The following DENND1B variants were observed in gnomAD, a reference collection of about 807,000 sequenced individuals.
DENND1B encodes the protein DENN domain containing 1B.
Under a neutral mutation model 90.1 loss-of-function variants are expected in DENND1B, and 59 were observed. That is an observed-to-expected ratio of 0.65 (90% confidence interval 0.53 to 0.81). DENND1B has a LOEUF of 0.81. Ranked by LOEUF, DENND1B falls within the 40% of genes least tolerant of loss-of-function variation. The probability of loss-of-function intolerance (pLI) is 0.00; values close to 1 mark genes in which losing one functional copy is unlikely to be tolerated. For synonymous variants in DENND1B, 337 were observed against 324.6 expected, an observed-to-expected ratio of 1.04 and a Z score of -0.41; for missense variants, 862 against 912.6, an observed-to-expected ratio of 0.94 and a Z score of 0.71.
intron 2 of DENND1B, among the ~76,000 whole-genome samples, chr1:197,738,946 AG>A (rs1468179285): frequency 1.3e-5 from 2 of 152,234 alleles, no homozygotes; most frequent in African/African-American, 4.8e-5. Flanking sequence ...TGAGGTTGGA[AG>A]GCCAAAGCAT....
chr1:197,780,560 G>A (rs1039377277), upstream of DENND1B, among the ~76,000 whole-genome samples: 2 of 151,912 alleles, frequency 1.3e-5, no homozygotes, highest in Non-Finnish European at 1.5e-5. Context: ...TCTTGACCTC[G>A]TGATCCACCC....
chr1:197,569,069 C>T (rs933143064), intron 15 of DENND1B, among the ~76,000 whole-genome samples: 1 of 151,788 alleles, frequency 6.6e-6, no homozygotes, highest in Non-Finnish European at 1.5e-5. Flanking sequence ...ATAAAGAACT[C>T]AAACAAATTA....
At chr1:197,551,765 A>G (rs936180021) in intron 16 of DENND1B, among the ~76,000 whole-genome samples, 4 of 152,146 alleles carry the variant, frequency 2.6e-5, no homozygotes, top group Non-Finnish European at 4.4e-5. Context: ...CAACTTGTCC[A>G]TGGGCTGACA....
intron 14 of DENND1B, among the ~76,000 whole-genome samples, chr1:197,586,702 C>T (rs1325015609): frequency 6.6e-6 from 1 of 152,114 alleles, no homozygotes; most frequent in Non-Finnish European, 1.5e-5. Flanking sequence ...GTTCTTGGTT[C>T]AATTGATTTT....
At chr1:197,729,530 T>C (rs184194056) in intron 2 of DENND1B, among the ~76,000 whole-genome samples, 15 of 152,222 alleles carry the variant, frequency 9.9e-5, no homozygotes, top group Admixed American at 3.3e-4. Context: ...TCACTACATA[T>C]TTTCACTAAA....
chr1:197,510,951 C>T lies in DENND1B; in HGVS notation c.1837G>A (p.Glu613Lys), dbSNP rs749278941. ...KPTNKSNAPSENNLAFLCGGS... is the reference protein window; with the variant it reads ...KPTNKSNAPSKNNLAFLCGGS... ...CCACAGAGGAAAGCCAGGTTATTCTCACTAGGAGCATTAGATTTATTCTGA... is the reference window on the plus strand; with the variant it reads ...CCACAGAGGAAAGCCAGGTTATTCTTACTAGGAGCATTAGATTTATTCTGA... The change falls in exon 23 of 23, where the codon GAG becomes AAG. Residue 613 changes from glutamate (E) to lysine (K), a missense_variant. Physicochemically the swap from Glu to Lys is moderately conservative, Grantham distance 56. Transcript: ENST00000620048. 10 of 1,526,168 alleles carry T rather than the reference C, an allele frequency of 6.6e-6. No individual in the cohort carries two copies. The East Asian group carries it at 2.3e-4, about 35-fold the overall frequency. 94.5% of individuals were successfully genotyped at this position (1,526,168 alleles called of 1,614,324 possible).
At chr1:197,669,522 T>C (rs1655280081) in intron 5 of DENND1B, among the ~76,000 whole-genome samples, 1 of 152,124 alleles carries the variant, frequency 6.6e-6, no homozygotes, top group Non-Finnish European at 1.5e-5. Flanking sequence ...GAATCCTCCA[T>C]TCATTATTAA....
Position 197,755,935 on chromosome 1 carries a change from GGAGCAACAA to G in DENND1B, c.82+16924_82+16932del, listed in dbSNP as rs1384850705. Among the ~76,000 whole-genome samples, 3 of 152,262 alleles carry G rather than the reference GGAGCAACAA, an allele frequency of 2.0e-5. No individual in the cohort carries two copies. In the East Asian group the frequency reaches 5.8e-4, roughly 29 times the overall value. ...CCTCCCACAACATGTGGGAATTATG[GGAGCAACAA>G]GATGAGATTTGGGTGGGAACACAGA... On this transcript the variant is annotated intron_variant, in intron 2 of 22. Transcript: ENST00000620048.
chr1:197,541,333 A>AACTG (rs1040804272), intron 18 of DENND1B, among the ~76,000 whole-genome samples: 9 of 152,218 alleles, frequency 5.9e-5, no homozygotes, highest in Non-Finnish European at 1.3e-4. Flanking sequence ...AACTGTAACA[A>AACTG]ACTGGAGGAA....
Position 197,628,079 on chromosome 1 carries a change from T to A in DENND1B, c.673-10320A>T, listed in dbSNP as rs552685281. On this transcript the variant is annotated intron_variant, in intron 10 of 22. Transcript: ENST00000620048. ...TGCTCATGGGTGGGAAGAATCAATA[T>A]CATGAAAATGGCCATACTGCCCAAG... Among the ~76,000 whole-genome samples, 13 of 152,182 alleles carry A rather than the reference T, an allele frequency of 8.5e-5. No individual in the cohort carries two copies. In the East Asian group the frequency reaches 2.5e-3, roughly 29 times the overall value.
intron 18 of DENND1B, among the ~76,000 whole-genome samples, chr1:197,542,052 A>G (rs1369459974): frequency 6.6e-6 from 1 of 152,186 alleles, no homozygotes. Flanking sequence ...AAGGCCGGAT[A>G]TAGGTTCTCT....
chr1:197,595,385 G>C, intron 13 of DENND1B, 52 bp from the exon 14 acceptor site: 1 of 1,595,246 alleles, frequency 6.3e-7, no homozygotes, highest in Non-Finnish European at 8.5e-7. Context: ...TTGGTACAGC[G>C]AGGTAGGAAC....
At chr1:197,643,835 ATTAT>A (rs1462847429) in intron 9 of DENND1B, among the ~76,000 whole-genome samples, 1 of 152,182 alleles carries the variant, frequency 6.6e-6, no homozygotes. Flanking sequence ...CTCCTTTCTT[ATTAT>A]TTATTTTTAA....
At chr1:197,782,006 C>T in the DENND1B span, among the ~76,000 whole-genome samples, 1 of 152,074 alleles carries the variant, frequency 6.6e-6, no homozygotes, top group African/African-American at 2.4e-5. Context: ...CCAGTTTCTG[C>T]TTGTTCTCCC....
chr1:197,758,279 A>G (rs982631846), intron 2 of DENND1B, among the ~76,000 whole-genome samples: 5 of 152,200 alleles, frequency 3.3e-5, no homozygotes, highest in African/African-American at 1.2e-4. Context: ...ACACTTCTGC[A>G]ATATTAAAGA....
chr1:197,759,193 T>C (rs1449800123), intron 2 of DENND1B, among the ~76,000 whole-genome samples: 1 of 151,618 alleles, frequency 6.6e-6, no homozygotes, highest in East Asian at 1.9e-4. Context: ...TTGCTGGAAC[T>C]CCTGGCCTCA....
intron 2 of DENND1B, among the ~76,000 whole-genome samples, chr1:197,743,932 G>C (rs994796294): frequency 3.3e-5 from 5 of 152,156 alleles, no homozygotes; most frequent in Admixed American, 1.3e-4. Context: ...ATCTTCACCA[G>C]TAGATTCCAT....
At chr1:197,735,416 T>TA (rs894295029) in intron 2 of DENND1B, 267 of 1,412,774 alleles carry the variant, frequency 1.9e-4, no homozygotes, top group East Asian at 4.5e-4. Flanking sequence ...AATTCACTGT[T>TA]AAAAAAAAAT....
At chr1:197,574,628 T>C (rs1406725775) in intron 15 of DENND1B, among the ~76,000 whole-genome samples, 1 of 152,006 alleles carries the variant, frequency 6.6e-6, no homozygotes, top group Non-Finnish European at 1.5e-5. Flanking sequence ...GAGCGCGCAT[T>C]GCCAAGACAA....
Sources: gnomAD v4.1 joint callset for allele counts (sites outside exome capture counted in the v4.1 genomes callset) on GRCh38, gnomAD v4.1.1 for gene constraint, MANE v1.5 for transcripts, NCBI Gene and HGNC (gene_info 2026-07-23, HGNC 2026-07-21) for gene names.